PIK3R3: variants seen among roughly 807,000 people sequenced by gnomAD.
PIK3R3 encodes phosphatidylinositol 3-kinase regulatory subunit gamma.
In PIK3R3, 64 loss-of-function variants were observed where a neutral mutation model predicts 62.9. The ratio of observed to expected loss-of-function variants is 1.02; its 90% CI spans 0.83 to 1.25. PIK3R3 has a LOEUF of 1.25. Ranked by LOEUF, PIK3R3 falls within the 50% of genes most tolerant of loss-of-function variation. The pLI is 0.00. For synonymous variants in PIK3R3, 165 were observed against 189.0 expected, an observed-to-expected ratio of 0.87 and a Z score of 1.04; for missense variants, 614 against 561.6, an observed-to-expected ratio of 1.09 and a Z score of -0.94.
intron 1 of PIK3R3, among the ~76,000 whole-genome samples, chr1:46,101,215 G>A (rs933246197): frequency 1.1e-4 from 17 of 150,782 alleles, no homozygotes; most frequent in Admixed American, 9.3e-4. Flanking sequence ...TCCCAAGTGC[G>A]CTGGGCGTGG....
At chr1:46,059,078 G>A (rs1046832687) in intron 6 of PIK3R3, among the ~76,000 whole-genome samples, 3 of 152,170 alleles carry the variant, frequency 2.0e-5, no homozygotes, top group Non-Finnish European at 2.9e-5. Flanking sequence ...TAAGTTTCAC[G>A]AGATCTGATG....
chr1:46,166,117 CTT>C, the PIK3R3 span, among the ~76,000 whole-genome samples: 7 of 151,844 alleles, frequency 4.6e-5, no homozygotes, highest in Non-Finnish European at 8.8e-5. Flanking sequence ...AAGAAGCACT[CTT>C]TTTTTGGTCA....
At chr1:46,170,025 C>A in the PIK3R3 span, among the ~76,000 whole-genome samples, 1 of 152,176 alleles carries the variant, frequency 6.6e-6, no homozygotes, top group Non-Finnish European at 1.5e-5. Flanking sequence ...CTGAACCCCA[C>A]CACATGGAGT....
intron 2 of PIK3R3, 47 bp downstream of exon 2, chr1:46,080,595 A>C: frequency 7.8e-7 from 1 of 1,285,462 alleles, no homozygotes; most frequent in Non-Finnish European, 1.1e-6. Flanking sequence ...ATTCTCAAAA[A>C]TGACTTTTTA....
At chr1:46,168,757 CTG>C in the PIK3R3 span, among the ~76,000 whole-genome samples, 1 of 152,204 alleles carries the variant, frequency 6.6e-6, no homozygotes, top group Non-Finnish European at 1.5e-5. Flanking sequence ...GCCCCTGGCT[CTG>C]GAGGCCTGAC....
chr1:46,150,112 T>G, the PIK3R3 span, among the ~76,000 whole-genome samples: 1 of 152,206 alleles, frequency 6.6e-6, no homozygotes, highest in African/African-American at 2.4e-5. Flanking sequence ...AGAACCCCTT[T>G]CTGGTAACAA....
At chr1:46,120,912 T>C (rs955901338) in intron 1 of PIK3R3, among the ~76,000 whole-genome samples, 1 of 152,144 alleles carries the variant, frequency 6.6e-6, no homozygotes, top group Non-Finnish European at 1.5e-5. Context: ...TTGTAGAAAG[T>C]TTCCTCTATC....
intron 1 of PIK3R3, among the ~76,000 whole-genome samples, chr1:46,107,749 G>A (rs1326493548): frequency 6.6e-6 from 1 of 152,132 alleles, no homozygotes; most frequent in Non-Finnish European, 1.5e-5. Flanking sequence ...TTTGCAACTT[G>A]CAAAGTTAGT....
intron 1 of PIK3R3, among the ~76,000 whole-genome samples, chr1:46,102,086 C>G (rs913820525): frequency 6.8e-6 from 1 of 147,782 alleles, no homozygotes; most frequent in Non-Finnish European, 1.5e-5. Context: ...CTGGGGTTCA[C>G]GCCATTCTTC....
intron 1 of PIK3R3, among the ~76,000 whole-genome samples, chr1:46,092,591 C>G (rs553520527): frequency 1.3e-5 from 2 of 152,248 alleles, no homozygotes; most frequent in Non-Finnish European, 2.9e-5. Context: ...TCTCCATCTC[C>G]TGAACTCGTG....
chr1:46,054,288 G>A (rs1347697255), intron 7 of PIK3R3, among the ~76,000 whole-genome samples: 1 of 150,274 alleles, frequency 6.7e-6, no homozygotes, highest in Non-Finnish European at 1.5e-5. Context: ...CAGCTACTCG[G>A]AAGGCTGATG....
chr1:46,074,945 G>T lies in PIK3R3; in HGVS notation c.314+2570C>A, dbSNP rs1274709120. On this transcript the variant is annotated intron_variant, in intron 3 of 9. Coordinates refer to ENST00000262741, the MANE Select transcript of PIK3R3 (RefSeq NM_003629.4). ...GTGCAATTTCAGACCTTTGGCAACA[G>T]AAGAGAAGATTCTGACTTAGGGCAT... is the stretch of plus-strand genomic sequence containing the variant. 2.0e-5 allele frequency among the ~76,000 whole-genome samples: 3 copies of T among 152,322 alleles called. No homozygotes were observed. In the East Asian group the frequency reaches 5.8e-4, roughly 29 times the overall value.
chr1:46,147,804 TC>T, the PIK3R3 span, among the ~76,000 whole-genome samples: 175 of 152,298 alleles, frequency 1.1e-3, 1 homozygote, highest in African/African-American at 3.9e-3. Context: ...TTTTCGCTCT[TC>T]CGCACTTTTC....
chr1:46,132,891 C>T, upstream of PIK3R3: 11 of 1,192,524 alleles, frequency 9.2e-6, no homozygotes, highest in Non-Finnish European at 1.1e-5. Context: ...CAGCCATCCG[C>T]GCTCTCCCCC....
intron 1 of PIK3R3, among the ~76,000 whole-genome samples, chr1:46,082,020 AAAAG>A (rs1013709037): frequency 1.1e-4 from 16 of 151,860 alleles, no homozygotes; most frequent in African/African-American, 2.9e-4. Context: ...ATAAATAAAT[AAAAG>A]AAACAAAGAT....
At chr1:46,166,240 C>G in the PIK3R3 span, among the ~76,000 whole-genome samples, 1 of 144,720 alleles carries the variant, frequency 6.9e-6, no homozygotes, top group Non-Finnish European at 1.5e-5. Flanking sequence ...CTTTTTTTTT[C>G]TGAGACAGAG....
intron 1 of PIK3R3, among the ~76,000 whole-genome samples, chr1:46,096,771 G>A (rs1209104033): frequency 2.0e-5 from 3 of 151,588 alleles, no homozygotes; most frequent in Non-Finnish European, 2.9e-5. Context: ...AACCTGTGAG[G>A]TGGAGGTTGC....
intron 1 of PIK3R3, among the ~76,000 whole-genome samples, chr1:46,115,400 T>C (rs1011750703): frequency 2.0e-5 from 3 of 152,192 alleles, no homozygotes; most frequent in African/African-American, 7.2e-5. Context: ...TTAAACACCA[T>C]AGAAAATGTA....
chr1:46,109,531 T>C (rs1385055067), intron 1 of PIK3R3, among the ~76,000 whole-genome samples: 1 of 152,156 alleles, frequency 6.6e-6, no homozygotes, highest in Non-Finnish European at 1.5e-5. Context: ...TTGCCCAGGC[T>C]GAAGTACAGT....
Sources: gnomAD v4.1 joint callset for allele counts (sites outside exome capture counted in the v4.1 genomes callset) on GRCh38, gnomAD v4.1.1 for gene constraint, MANE v1.5 for transcripts, NCBI Gene and HGNC (gene_info 2026-07-23, HGNC 2026-07-21) for gene names.